The following STS variants were observed in gnomAD, a reference collection of about 807,000 sequenced individuals.
STS encodes the protein steroid sulfatase, also known as steryl-sulfatase.
In STS, 7 loss-of-function variants were observed where a neutral mutation model predicts 26.8. The observed-to-expected ratio is 0.26, with a 90% CI of 0.15 to 0.49. The LOEUF (loss-of-function observed/expected upper bound fraction) is 0.49. Ranked by LOEUF, STS falls within the 20% of genes least tolerant of loss-of-function variation. The pLI is 0.98. For missense variants in STS, 434 were observed against 465.6 expected, an observed-to-expected ratio of 0.93 and a Z score of 0.63; for synonymous variants, 199 against 189.4, an observed-to-expected ratio of 1.05 and a Z score of -0.42.
intron 7 of STS, among the ~76,000 whole-genome samples, chrX:7,296,619 C>T (rs1028113503): frequency 9.8e-5 from 11 of 112,230 alleles, no homozygotes; most frequent in African/African-American, 2.6e-4. Context: ...TGTTCTTCCC[C>T]GCACCTTTTC....
At chrX:7,232,246 A>G (rs1922094974) in intron 2 of STS, among the ~76,000 whole-genome samples, 1 of 112,326 alleles carries the variant, frequency 8.9e-6, no homozygotes, top group African/African-American at 3.2e-5. Context: ...AGTCGTCCCC[A>G]AAAGCAGGCA....
At chrX:7,240,101 G>A (rs1438233022) in intron 2 of STS, among the ~76,000 whole-genome samples, 1 of 109,454 alleles carries the variant, frequency 9.1e-6, no homozygotes, top group Non-Finnish European at 1.9e-5. Flanking sequence ...GACCAGGCTG[G>A]TCTCAAGTGA....
chrX:7,344,329 G>A (rs1236950842), intron 10 of STS, among the ~76,000 whole-genome samples: 5 of 111,583 alleles, frequency 4.5e-5, no homozygotes, highest in African/African-American at 1.6e-4. Flanking sequence ...AGCATCCGTG[G>A]CCTCTCCCTA....
At chrX:7,293,808 G>A (rs185283249) in intron 7 of STS, among the ~76,000 whole-genome samples, 1 of 111,466 alleles carries the variant, frequency 9.0e-6, no homozygotes, top group African/African-American at 3.3e-5. Context: ...GCAGAAAGAG[G>A]TTTTTGCAAC....
At chrX:7,162,771 G>A (rs1422630038) in intron 1 of STS, among the ~76,000 whole-genome samples, 1 of 107,381 alleles carries the variant, frequency 9.3e-6, no homozygotes, top group Non-Finnish European at 1.9e-5. Context: ...GACTGGCCGG[G>A]CGCAGTGGCT....
intron 6 of STS, among the ~76,000 whole-genome samples, chrX:7,267,131 T>C (rs942007325): frequency 4.5e-5 from 5 of 112,250 alleles, no homozygotes; most frequent in Non-Finnish European, 9.4e-5. Context: ...CTTTTCCATC[T>C]ACTCTAGTGC....
At chrX:7,277,851 C>A (rs184144438) in intron 7 of STS, among the ~76,000 whole-genome samples, 1 of 111,919 alleles carries the variant, frequency 8.9e-6, no homozygotes, top group South Asian at 3.7e-4. Context: ...TTATATTTTT[C>A]GCATCTTAGT....
chrX:7,150,362 C>T (rs1158449680), intron 1 of STS, among the ~76,000 whole-genome samples: 1 of 110,997 alleles, frequency 9.0e-6, no homozygotes, highest in African/African-American at 3.3e-5. Flanking sequence ...GCTGGGATTA[C>T]AGGCGCCAGC....
chrX:7,204,524 C>T (rs1483292128), intron 2 of STS, among the ~76,000 whole-genome samples: 4 of 87,197 alleles, frequency 4.6e-5, no homozygotes, highest in African/African-American at 8.4e-5. Flanking sequence ...TCCCTTCCTC[C>T]CTCCCTCCCT....
chrX:7,301,829 T>TCACTTA, intron 7 of STS, among the ~76,000 whole-genome samples: 1 of 112,109 alleles, frequency 8.9e-6, no homozygotes, highest in Non-Finnish European at 1.9e-5. Context: ...CTTTTCAGAT[T>TCACTTA]GACTCCTTTC....
chrX:7,148,708 C>T (rs890091354), intron 1 of STS, among the ~76,000 whole-genome samples: 2 of 112,076 alleles, frequency 1.8e-5, no homozygotes, highest in African/African-American at 3.2e-5. Flanking sequence ...CGACTTGAAC[C>T]GGCAGCCGCG....
intron 2 of STS, among the ~76,000 whole-genome samples, chrX:7,233,768 A>G (rs1475347824): frequency 2.7e-5 from 3 of 111,351 alleles, no homozygotes; most frequent in African/African-American, 6.5e-5. Flanking sequence ...TACCATGTCT[A>G]TGAAATACCT....
At chrX:7,201,009 A>G (rs968355321) in intron 2 of STS, among the ~76,000 whole-genome samples, 3 of 111,094 alleles carry the variant, frequency 2.7e-5, no homozygotes, top group Non-Finnish European at 5.7e-5. Flanking sequence ...ACGTAGATAA[A>G]TGATAGATCG....
intron 6 of STS, among the ~76,000 whole-genome samples, chrX:7,263,829 A>ATG (rs202189417): frequency 3.6e-5 from 4 of 109,770 alleles, no homozygotes; most frequent in South Asian, 7.6e-4. Flanking sequence ...GTGTATATAT[A>ATG]TGTGTGTGTG....
At chrX:7,293,200 T>A (rs1348899899) in intron 7 of STS, among the ~76,000 whole-genome samples, 2 of 111,814 alleles carry the variant, frequency 1.8e-5, no homozygotes, top group Non-Finnish European at 3.8e-5. Context: ...CCTCCTGGAG[T>A]GTGATAGTTG....
chrX:7,338,107 G>C (rs924642777), intron 10 of STS, among the ~76,000 whole-genome samples: 2 of 111,537 alleles, frequency 1.8e-5, no homozygotes, highest in African/African-American at 6.5e-5. Context: ...ATTATAACAT[G>C]GATAACTTTT....
At position 7,352,143 on chromosome X, in the gene STS, T is replaced by TG. The variant is rs1260215126; in HGVS notation, c.*1883dup. Reference sequence around the variant, plus strand: ...GATGATGTGTTAGGATTGCTACTGATGCTGTCATGTGGAAACTATTTAAAG... The same window carrying TG: ...GATGATGTGTTAGGATTGCTACTGATGGCTGTCATGTGGAAACTATTTAAAG... On this transcript the variant is annotated 3_prime_UTR_variant, in exon 11 of 11. Coordinates refer to ENST00000674429, the MANE Select transcript of STS (RefSeq NM_001320752.2). 9.0e-6 allele frequency: 1 copy of TG among 111,577 alleles called. No homozygotes were observed. The highest frequency in any genetic ancestry group is 3.7e-4 in the South Asian group (1 of 2,693). The allele number at this position is 111,577 out of a possible 1,213,427, so 9.2% of individuals were successfully genotyped here.
At chrX:7,249,733 A>G (rs1370980079) in intron 2 of STS, among the ~76,000 whole-genome samples, 1 of 111,693 alleles carries the variant, frequency 9.0e-6, no homozygotes, top group Non-Finnish European at 1.9e-5. Context: ...GAGTATGACT[A>G]GGGCAATTCA....
At chrX:7,242,316 TTAA>T (rs1922658932) in intron 2 of STS, among the ~76,000 whole-genome samples, 2 of 110,699 alleles carry the variant, frequency 1.8e-5, no homozygotes, top group Admixed American at 9.7e-5. Flanking sequence ...ACTTTATAAG[TTAA>T]TAATAACTTA....
Sources: allele counts gnomAD v4.1 joint callset (sites outside exome capture counted in the v4.1 genomes callset), GRCh38; gene constraint gnomAD v4.1.1; transcripts MANE v1.5; gene names NCBI Gene and HGNC (gene_info 2026-07-23, HGNC 2026-07-21).